AGTPBP1: variants seen among roughly 807,000 people sequenced by gnomAD.
AGTPBP1 encodes the protein ATP/GTP binding carboxypeptidase 1.
In AGTPBP1, 70 loss-of-function variants were observed where a neutral mutation model predicts 143.9. The ratio of observed to expected loss-of-function variants is 0.49; its 90% CI spans 0.40 to 0.59. AGTPBP1 has a LOEUF of 0.59. Ranked by LOEUF, AGTPBP1 falls within the 20% of genes least tolerant of loss-of-function variation. The pLI is 0.00. For missense variants in AGTPBP1, 1,229 were observed against 1,464.5 expected (o/e 0.84, Z 2.62); for synonymous variants, 463 against 500.2 (o/e 0.93, Z 0.99).
intron 6 of AGTPBP1, among the ~76,000 whole-genome samples, chr9:85,673,324 T>C (rs961829466): frequency 9.2e-5 from 14 of 152,080 alleles, no homozygotes; most frequent in African/African-American, 3.4e-4. Flanking sequence ...CATATACATT[T>C]GTCTAGTTCA....
At chr9:85,570,505 C>T (rs1564018232) in intron 25 of AGTPBP1, among the ~76,000 whole-genome samples, 1 of 152,186 alleles carries the variant, frequency 6.6e-6, no homozygotes, top group East Asian at 1.9e-4. Context: ...TAAATCCAGC[C>T]TTCACTCAGT....
rs1291423251 is a variant in AGTPBP1, at chr9:85,562,986, T to C, written c.3503+12329A>G. ...TAAAGATCCCTCAACCCTTCTGCCA[T>C]ATGAGGTTACAGTGAGATGACCACT... On this transcript the variant is annotated intron_variant, in intron 25 of 25. Coordinates refer to ENST00000357081, the MANE Select transcript of AGTPBP1 (RefSeq NM_001330701.2). 2.6e-5 allele frequency among the ~76,000 whole-genome samples: 4 copies of C among 152,244 alleles called. No homozygotes were observed. The East Asian group carries it at 5.8e-4, about 22-fold the overall frequency.
intron 14 of AGTPBP1, among the ~76,000 whole-genome samples, chr9:85,628,599 G>C (rs778695844): frequency 6.6e-6 from 1 of 152,162 alleles, no homozygotes; most frequent in Non-Finnish European, 1.5e-5. Flanking sequence ...AACTTCTGGA[G>C]AGACGTGGAT....
chr9:85,705,842 C>A (rs561245760), intron 2 of AGTPBP1, among the ~76,000 whole-genome samples: 2 of 151,976 alleles, frequency 1.3e-5, no homozygotes, highest in South Asian at 4.2e-4. Flanking sequence ...AGGTGCCCAC[C>A]ACCGCACCCA....
chr9:85,581,454 C>T (rs932555791), intron 23 of AGTPBP1, among the ~76,000 whole-genome samples: 3 of 152,120 alleles, frequency 2.0e-5, no homozygotes, highest in Non-Finnish European at 4.4e-5. Context: ...AGGCTATAAG[C>T]GCAATACTAA....
intron 24 of AGTPBP1, among the ~76,000 whole-genome samples, chr9:85,577,896 T>C (rs575352391): frequency 6.6e-6 from 1 of 152,332 alleles, no homozygotes; most frequent in Non-Finnish European, 1.5e-5. Flanking sequence ...CTATAATATG[T>C]TTACATTTTA....
chr9:85,563,390 T>A (rs1354618555), intron 25 of AGTPBP1, among the ~76,000 whole-genome samples: 4 of 152,172 alleles, frequency 2.6e-5, no homozygotes, highest in Non-Finnish European at 5.9e-5. Context: ...GAATACTTAA[T>A]AATCCTGATA....
the AGTPBP1 span, chr9:85,786,088 G>A: frequency 2.0e-6 from 3 of 1,516,510 alleles, no homozygotes; most frequent in Non-Finnish European, 2.7e-6. Context: ...TTTGGTTTGG[G>A]GATTATTTTT....
chr9:85,555,172 AG>A (rs1430972836), intron 25 of AGTPBP1, among the ~76,000 whole-genome samples: 2 of 152,224 alleles, frequency 1.3e-5, no homozygotes, highest in African/African-American at 4.8e-5. Context: ...CAAATTTAGG[AG>A]GGGCTACAAA....
At chr9:85,608,609 A>T (rs1007182979) in intron 17 of AGTPBP1, among the ~76,000 whole-genome samples, 1 of 151,920 alleles carries the variant, frequency 6.6e-6, no homozygotes, top group Non-Finnish European at 1.5e-5. Flanking sequence ...ATTATCAGCA[A>T]ATTTTAAGCA....
chr9:85,715,215 C>T (rs1837628170), intron 1 of AGTPBP1, among the ~76,000 whole-genome samples: 1 of 150,748 alleles, frequency 6.6e-6, no homozygotes, highest in Non-Finnish European at 1.5e-5. Context: ...CACTGCACTC[C>T]AGCCCGGGTG....
intron 9 of AGTPBP1, among the ~76,000 whole-genome samples, chr9:85,658,636 A>G (rs1486629444): frequency 1.3e-5 from 2 of 152,144 alleles, no homozygotes; most frequent in Non-Finnish European, 2.9e-5. Context: ...TATGGACACT[A>G]AGATAATGCA....
intron 2 of AGTPBP1, among the ~76,000 whole-genome samples, chr9:85,706,446 G>A (rs1351312333): frequency 6.7e-6 from 1 of 150,200 alleles, no homozygotes; most frequent in East Asian, 2.0e-4. Flanking sequence ...GGAAGCGGAA[G>A]TTGCAGTGAG....
intron 3 of AGTPBP1, among the ~76,000 whole-genome samples, chr9:85,686,514 C>T (rs536129157): frequency 6.6e-6 from 1 of 152,248 alleles, no homozygotes; most frequent in South Asian, 2.1e-4. Context: ...ACAACTCCTT[C>T]TAAGAAAACT....
chr9:85,690,840 T>TATGG (rs1564149114), intron 3 of AGTPBP1, among the ~76,000 whole-genome samples: 1 of 150,780 alleles, frequency 6.6e-6, no homozygotes, highest in Non-Finnish European at 1.5e-5. Context: ...CTAATAGTGG[T>TATGG]ATGGTCAGGA....
At chr9:85,675,194 C>A (rs935805101) in intron 6 of AGTPBP1, among the ~76,000 whole-genome samples, 3 of 151,984 alleles carry the variant, frequency 2.0e-5, no homozygotes, top group African/African-American at 7.3e-5. Flanking sequence ...CCGTACCCGG[C>A]CAAAGGCAAA....
chr9:85,713,262 G>A (rs1837496983), intron 1 of AGTPBP1, among the ~76,000 whole-genome samples: 1 of 152,244 alleles, frequency 6.6e-6, no homozygotes, highest in African/African-American at 2.4e-5. Flanking sequence ...TGGGCATGGT[G>A]GCTCATGCCT....
intron 14 of AGTPBP1, among the ~76,000 whole-genome samples, chr9:85,628,435 C>G (rs149071665): frequency 6.6e-6 from 1 of 152,078 alleles, no homozygotes; most frequent in Non-Finnish European, 1.5e-5. Context: ...GTAAGAGTCA[C>G]CATCATACAA....
intron 17 of AGTPBP1, among the ~76,000 whole-genome samples, chr9:85,617,936 C>T (rs956081743): frequency 1.3e-5 from 2 of 152,098 alleles, no homozygotes; most frequent in African/African-American, 4.8e-5. Context: ...AGCCCTAAAA[C>T]TATTCAAGAA....
Sources: gnomAD v4.1 joint callset for allele counts (sites outside exome capture counted in the v4.1 genomes callset) on GRCh38, gnomAD v4.1.1 for gene constraint, MANE v1.5 for transcripts, NCBI Gene and HGNC (gene_info 2026-07-23, HGNC 2026-07-21) for gene names.